The following C13orf46 variants were observed in gnomAD, a reference collection of about 807,000 sequenced individuals.
C13orf46 encodes the protein uncharacterized protein C13orf46.
the C13orf46 span, among the ~76,000 whole-genome samples, chr13:113,942,796 G>C: frequency 1.3e-5 from 2 of 152,184 alleles, no homozygotes; most frequent in Non-Finnish European, 2.9e-5. Flanking sequence ...GCCAGTTACT[G>C]TGCCCTTTAC....
chr13:113,960,400 TTTC>T (rs2052577943), intron 6 of C13orf46, among the ~76,000 whole-genome samples: 1 of 152,228 alleles, frequency 6.6e-6, no homozygotes, highest in South Asian at 2.1e-4. Flanking sequence ...TCTGAAATCA[TTTC>T]TTTTGAAACT....
chr13:113,973,401 C>A (rs548575879), intron 1 of C13orf46, among the ~76,000 whole-genome samples: 12 of 152,270 alleles, frequency 7.9e-5, no homozygotes, highest in African/African-American at 2.9e-4. Flanking sequence ...ACCGCAGTCA[C>A]GGAGCCGGAC....
the C13orf46 span, among the ~76,000 whole-genome samples, chr13:113,942,099 C>T: frequency 6.6e-6 from 1 of 152,242 alleles, no homozygotes; most frequent in East Asian, 1.9e-4. Context: ...ATCATGGTGG[C>T]ATGAGCAACA....
chr13:113,948,189 T>C, the C13orf46 span, among the ~76,000 whole-genome samples: 3 of 152,256 alleles, frequency 2.0e-5, no homozygotes, highest in South Asian at 2.1e-4. Flanking sequence ...TGACTCAGCA[T>C]GAAAGGAACC....
chr13:113,934,408 G>T, the C13orf46 span, among the ~76,000 whole-genome samples: 9 of 152,254 alleles, frequency 5.9e-5, no homozygotes, highest in African/African-American at 2.2e-4. Context: ...CAGACACACA[G>T]GATGGATGGA....
intron 1 of C13orf46, 126 bp from the exon 2 acceptor site, chr13:113,970,348 G>C (rs1183850980): frequency 2.0e-5 from 3 of 152,372 alleles, no homozygotes; most frequent in African/African-American, 7.2e-5. Context: ...CAGCTAACTT[G>C]AGTTTCTCCC....
At chr13:113,938,228 T>C in the C13orf46 span, among the ~76,000 whole-genome samples, 1 of 152,208 alleles carries the variant, frequency 6.6e-6, no homozygotes, top group African/African-American at 2.4e-5. Flanking sequence ...GCTTTTCTTT[T>C]CTCAATAGTG....
At chr13:113,945,665 A>AAAGAAAGG in the C13orf46 span, among the ~76,000 whole-genome samples, 1 of 135,512 alleles carries the variant, frequency 7.4e-6, no homozygotes, top group Non-Finnish European at 1.6e-5. Context: ...AGAAAGAAAG[A>AAAGAAAGG]AAGAAAGGAA....
the C13orf46 span, among the ~76,000 whole-genome samples, chr13:113,935,088 G>A: frequency 2.0e-5 from 3 of 152,296 alleles, no homozygotes; most frequent in Admixed American, 6.5e-5. Flanking sequence ...TGCTTCCGAC[G>A]TTACAAGCCA....
the C13orf46 span, among the ~76,000 whole-genome samples, chr13:113,936,292 T>C: frequency 2.6e-5 from 4 of 152,174 alleles, no homozygotes; most frequent in African/African-American, 7.2e-5. Context: ...AAGTTCTAAA[T>C]GGGCTCTGGG....
At chr13:113,949,420 G>C (rs1349878738), downstream of C13orf46, among the ~76,000 whole-genome samples, 1 of 152,206 alleles carries the variant, frequency 6.6e-6, no homozygotes, top group African/African-American at 2.4e-5. Context: ...TTGTGGGACA[G>C]AGCCCTTCAC....
chr13:113,971,179 C>T (rs1006752236), intron 1 of C13orf46, among the ~76,000 whole-genome samples: 5 of 152,212 alleles, frequency 3.3e-5, no homozygotes, highest in Admixed American at 2.6e-4. Context: ...CGCAGCTACT[C>T]CCTCTTCCCA....
chr13:113,947,229 C>T, the C13orf46 span, among the ~76,000 whole-genome samples: 47,037 of 152,044 alleles, frequency 0.31, 7,888 homozygotes, highest in East Asian at 0.44. Flanking sequence ...TCTTCCACAC[C>T]GTGGCTCCAG....
chr13:113,966,388 G>A (rs1251133301), intron 5 of C13orf46, among the ~76,000 whole-genome samples: 2 of 150,908 alleles, frequency 1.3e-5, no homozygotes, highest in African/African-American at 4.9e-5. Flanking sequence ...TGATGATGGT[G>A]ATGGTATTAA....
the C13orf46 span, among the ~76,000 whole-genome samples, chr13:113,937,889 G>A: frequency 6.6e-6 from 1 of 152,206 alleles, no homozygotes; most frequent in African/African-American, 2.4e-5. Context: ...AGCTGTGTGC[G>A]TTTGTCTCAC....
intron 5 of C13orf46, among the ~76,000 whole-genome samples, chr13:113,966,419 A>G (rs945778548): frequency 6.9e-6 from 1 of 145,588 alleles, no homozygotes; most frequent in Non-Finnish European, 1.5e-5. Flanking sequence ...GATGATGATG[A>G]TGTGATAATG....
the C13orf46 span, among the ~76,000 whole-genome samples, chr13:113,931,967 C>T: frequency 6.6e-6 from 1 of 152,104 alleles, no homozygotes. Flanking sequence ...CCCTCCTGCT[C>T]CTCTGATGAC....
chr13:113,951,949 G>A (rs1270839377), downstream of C13orf46, among the ~76,000 whole-genome samples: 16 of 152,316 alleles, frequency 1.1e-4, no homozygotes, highest in Middle Eastern at 3.4e-3. Flanking sequence ...GCCTCTCTCC[G>A]TATATGGCAC....
intron 2 of C13orf46, among the ~76,000 whole-genome samples, chr13:113,969,841 C>T (rs1047671810): frequency 5.3e-5 from 8 of 152,132 alleles, no homozygotes; most frequent in African/African-American, 9.7e-5. Flanking sequence ...ACTAGTGAGA[C>T]GACGCCTCCT....
Sources: gnomAD v4.1 joint callset for allele counts (sites outside exome capture counted in the v4.1 genomes callset) on GRCh38, gnomAD v4.1.1 for gene constraint, MANE v1.5 for transcripts, NCBI Gene and HGNC (gene_info 2026-07-23, HGNC 2026-07-21) for gene names.